The following TRMT11 variants were observed in gnomAD, a reference collection of about 807,000 sequenced individuals.
The protein encoded by TRMT11 is tRNA (guanine(10)-N(2))-methyltransferase TRMT11.
Under a neutral mutation model 62.8 loss-of-function variants are expected in TRMT11, and 53 were observed. That is an observed-to-expected ratio of 0.84 (90% CI 0.68 to 1.06). TRMT11 has a LOEUF of 1.06. Ranked by LOEUF, TRMT11 falls within the 50% of genes least tolerant of loss-of-function variation. The probability of loss-of-function intolerance (pLI) is 0.00; values close to 1 mark genes in which losing one functional copy is unlikely to be tolerated. For missense variants in TRMT11, 556 were observed against 553.4 expected, an observed-to-expected ratio of 1.00 and a Z score of -0.05; for synonymous variants, 188 against 190.3, an observed-to-expected ratio of 0.99 and a Z score of 0.10.
downstream of TRMT11, among the ~76,000 whole-genome samples, chr6:126,042,628 G>C (rs1209848586): frequency 1.3e-5 from 2 of 152,158 alleles, no homozygotes; most frequent in African/African-American, 4.8e-5. Flanking sequence ...AAAGGAACCT[G>C]TTTTGACCTC....
the TRMT11 span, among the ~76,000 whole-genome samples, chr6:126,216,775 A>G: frequency 6.6e-6 from 1 of 151,922 alleles, no homozygotes; most frequent in African/African-American, 2.4e-5. Flanking sequence ...CTGAATATTG[A>G]TATCTATCTC....
At chr6:126,204,591 G>T (rs780050164), downstream of TRMT11, among the ~76,000 whole-genome samples, 3,724 of 152,286 alleles carry the variant, frequency 0.024, 73 homozygotes, top group Middle Eastern at 0.065. Flanking sequence ...ATATGTATGT[G>T]TTCCCCTCTA....
At chr6:126,040,228 T>C (rs147828482), downstream of TRMT11, among the ~76,000 whole-genome samples, 977 of 152,232 alleles carry the variant, frequency 6.4e-3, 13 homozygotes, top group African/African-American at 0.021. Flanking sequence ...AAAGTTGGAA[T>C]ATTAATTTTA....
intron 1 of TRMT11, among the ~76,000 whole-genome samples, chr6:125,989,444 A>T (rs531213982): frequency 6.6e-6 from 1 of 152,260 alleles, no homozygotes; most frequent in Non-Finnish European, 1.5e-5. Flanking sequence ...TATAATGGGT[A>T]GCCACTGACT....
the TRMT11 span, among the ~76,000 whole-genome samples, chr6:126,263,504 A>G: frequency 1.2e-4 from 18 of 152,228 alleles, no homozygotes; most frequent in Non-Finnish European, 2.1e-4. Context: ...TAATATCTTA[A>G]TGCTATGTGG....
Position 126,193,862 on chromosome 6 carries a change from C to T in TRMT11, n.144-4937C>T, listed in dbSNP as rs550352684. Among the ~76,000 whole-genome samples the T allele has an allele frequency of 1.8e-4, 28 of 152,060 alleles. No homozygotes were observed. In the South Asian group the frequency reaches 5.8e-3, roughly 32 times the overall value. On this transcript the variant is annotated intron_variant and non_coding_transcript_variant, in intron 1 of 3. Transcript: ENST00000444229. ...GCCCCTTTTGCTGTATTTCATGGTA[C>T]AGTATGTTGTGTTTCATTTGAATTT...
chr6:126,114,438 A>T (rs1199435565), intron 18 of TRMT11, among the ~76,000 whole-genome samples: 3 of 152,076 alleles, frequency 2.0e-5, no homozygotes, highest in Non-Finnish European at 4.4e-5. Flanking sequence ...TGCTGATTGG[A>T]TGATGAGATG....
At chr6:126,235,965 G>T in the TRMT11 span, among the ~76,000 whole-genome samples, 1 of 152,236 alleles carries the variant, frequency 6.6e-6, no homozygotes, top group African/African-American at 2.4e-5. Context: ...TGAATATGTT[G>T]GTACCTAGAG....
At chr6:126,008,579 A>G in intron 8 of TRMT11, 107 bp downstream of exon 8, 1 of 921,426 alleles carries the variant, frequency 1.1e-6, no homozygotes, top group South Asian at 1.3e-5. Flanking sequence ...GCACAGGTCC[A>G]CTTATACTCA....
At chr6:126,219,978 G>GT in the TRMT11 span, among the ~76,000 whole-genome samples, 1 of 152,166 alleles carries the variant, frequency 6.6e-6, no homozygotes, top group Non-Finnish European at 1.5e-5. Flanking sequence ...CTCAGCCAAA[G>GT]TTTTTTTCTG....
intron 16 of TRMT11, among the ~76,000 whole-genome samples, chr6:126,049,134 G>A (rs988975914): frequency 6.6e-6 from 1 of 152,144 alleles, no homozygotes; most frequent in Non-Finnish European, 1.5e-5. Context: ...TATTTTCTCT[G>A]GCAGCCCTTT....
intron 21 of TRMT11, among the ~76,000 whole-genome samples, chr6:126,139,997 A>C (rs1453542258): frequency 6.6e-6 from 1 of 152,112 alleles, no homozygotes; most frequent in Non-Finnish European, 1.5e-5. Flanking sequence ...CCTTACTTTA[A>C]GAAATTACTT....
chr6:126,011,463 A>G (rs767656976), intron 9 of TRMT11, 46 bp downstream of exon 9: 1 of 1,530,010 alleles, frequency 6.5e-7, no homozygotes, highest in Non-Finnish European at 8.9e-7. Flanking sequence ...TCGTTTTGTA[A>G]AATCATTTAC....
intron 21 of TRMT11, among the ~76,000 whole-genome samples, chr6:126,131,042 A>G (rs1198018622): frequency 6.6e-6 from 1 of 152,072 alleles, no homozygotes; most frequent in Non-Finnish European, 1.5e-5. Flanking sequence ...ATTTATGTTG[A>G]TATTTGTAGA....
the TRMT11 span, among the ~76,000 whole-genome samples, chr6:126,269,132 C>T: frequency 6.7e-6 from 1 of 149,444 alleles, no homozygotes; most frequent in Non-Finnish European, 1.5e-5. Context: ...GGCGTAGTGG[C>T]GGGCGCCTGT....
the TRMT11 span, among the ~76,000 whole-genome samples, chr6:126,225,207 CA>C: frequency 6.6e-6 from 1 of 152,204 alleles, no homozygotes; most frequent in Non-Finnish European, 1.5e-5. Context: ...GGGCTGGACA[CA>C]AGCTGTAGTC....
upstream of TRMT11, among the ~76,000 whole-genome samples, chr6:126,174,317 T>C (rs571439085): frequency 2.0e-5 from 3 of 152,254 alleles, no homozygotes; most frequent in South Asian, 6.2e-4. Context: ...ACATCTACAG[T>C]CTTTGCTGGT....
At chr6:126,009,505 T>G (rs1322330436) in intron 8 of TRMT11, 1 of 152,058 alleles carries the variant, frequency 6.6e-6, no homozygotes, top group Admixed American at 6.6e-5. Flanking sequence ...TTATAATAAC[T>G]GGGATCAGCC....
At chr6:126,136,663 C>G (rs368281426) in intron 21 of TRMT11, among the ~76,000 whole-genome samples, 1 of 151,788 alleles carries the variant, frequency 6.6e-6, no homozygotes, top group Non-Finnish European at 1.5e-5. Flanking sequence ...TACAAAAGAT[C>G]TGGCACAGCT....
Sources: allele counts gnomAD v4.1 joint callset (sites outside exome capture counted in the v4.1 genomes callset), GRCh38; gene constraint gnomAD v4.1.1; transcripts MANE v1.5; gene names NCBI Gene and HGNC (gene_info 2026-07-23, HGNC 2026-07-21).